FUT8: variants seen among roughly 807,000 people sequenced by gnomAD.
The protein encoded by FUT8 is fucosyltransferase 8.
Under a neutral mutation model 71.3 loss-of-function variants are expected in FUT8, and 29 were observed. The ratio of observed to expected loss-of-function variants is 0.41; its 90% CI spans 0.30 to 0.55. FUT8 has a LOEUF of 0.55. Among genes scored for constraint, FUT8 ranks in the 20% least tolerant of loss-of-function variants. The pLI is 0.34. For synonymous variants in FUT8, 254 were observed against 239.3 expected, an observed-to-expected ratio of 1.06 and a Z score of -0.57; for missense variants, 544 against 702.1, an observed-to-expected ratio of 0.77 and a Z score of 2.55.
At chr14:65,723,152 T>TA (rs56003211) in intron 8 of FUT8, among the ~76,000 whole-genome samples, 6,892 of 123,698 alleles carry the variant, frequency 0.056, 408 homozygotes, top group African/African-American at 0.16. Context: ...CCCCATCAAT[T>TA]AAAAAAAAAA....
At chr14:65,490,616 T>G (rs1384310297) in intron 2 of FUT8, among the ~76,000 whole-genome samples, 1 of 152,156 alleles carries the variant, frequency 6.6e-6, no homozygotes, top group Non-Finnish European at 1.5e-5. Flanking sequence ...GAAAACAAAT[T>G]TGGCAAATGT....
chr14:65,439,862 T>C (rs1424501601), intron 1 of FUT8, among the ~76,000 whole-genome samples: 2 of 150,534 alleles, frequency 1.3e-5, no homozygotes, highest in East Asian at 1.9e-4. Context: ...CTCTTATGTT[T>C]GTTAAAGCAT....
At chr14:65,617,264 G>A in intron 5 of FUT8, 2 of 1,402,224 alleles carry the variant, frequency 1.4e-6, no homozygotes, top group Non-Finnish European at 9.4e-7. Flanking sequence ...GGTTGTTTTA[G>A]GTGAAATTAT....
chr14:65,430,960 T>C (rs2065463338), intron 1 of FUT8, among the ~76,000 whole-genome samples: 1 of 151,874 alleles, frequency 6.6e-6, no homozygotes, highest in East Asian at 1.9e-4. Flanking sequence ...TTCCACTTCC[T>C]ATAGGGGCTA....
In FUT8 at chr14:65,467,084, T is replaced by C. The variant is rs1285634342; in HGVS notation, c.-228+11366T>C. Among the ~76,000 whole-genome samples, 2 of 152,216 alleles carry C rather than the reference T, an allele frequency of 1.3e-5. No individual in the cohort carries two copies. Among genetic ancestry groups the C allele is most frequent in the African/African-American group, 4.8e-5 (2 of 41,460 alleles). On this transcript the variant is annotated intron_variant, in intron 2 of 10. Transcript: ENST00000673929. The surrounding 1 kb of genome is among the most constrained non-coding windows in gnomAD (Gnocchi z 4.1). Reference sequence around the variant, plus strand: ...TTTCCTCTACACTCTTCCTTTCTTTTTGTAATCCATATTTCTGATCTATAT... The same window carrying C: ...TTTCCTCTACACTCTTCCTTTCTTTCTGTAATCCATATTTCTGATCTATAT...
intron 8 of FUT8, among the ~76,000 whole-genome samples, chr14:65,722,322 G>A (rs1895461228): frequency 6.6e-6 from 1 of 151,826 alleles, no homozygotes; most frequent in Non-Finnish European, 1.5e-5. Flanking sequence ...TTTGAGATAG[G>A]GTCTCACTCT....
Position 65,489,623 on chromosome 14 carries a change from T to C in FUT8, c.-228+33905T>C, listed in dbSNP as rs1317797318. On this transcript the variant is annotated intron_variant, in intron 2 of 10. Coordinates refer to ENST00000673929, the MANE Select transcript of FUT8 (RefSeq NM_001371533.1). The surrounding 1 kb of genome is among the most constrained non-coding windows in gnomAD (Gnocchi z 4.0). The stretch of plus-strand genomic sequence containing the variant: ...TTAGCTGTTGATCATATTTAAAATA[T>C]AACATAAAAATGAGTCTTAAAATAT... 6.6e-6 allele frequency among the ~76,000 whole-genome samples: 1 copy of C among 152,162 alleles called. No individual in the cohort carries two copies. Among genetic ancestry groups the C allele is most frequent in the Non-Finnish European group, 1.5e-5 (1 of 67,980 alleles).
Position 65,669,449 on chromosome 14 carries a change from CAG to C in FUT8, c.806_807del (p.Arg269IlefsTer11). 1 of 1,613,346 alleles carries C rather than the reference CAG, an allele frequency of 6.2e-7. No homozygotes were observed. Among genetic ancestry groups the C allele is most frequent in the Non-Finnish European group, 8.5e-7 (1 of 1,179,476 alleles). On this transcript the variant is annotated frameshift_variant, in exon 7 of 11. Transcript: ENST00000673929. LOFTEE classifies it high-confidence loss of function. The surrounding 1 kb of genome is among the most constrained non-coding windows in gnomAD (Gnocchi z 4.5). ...FRPVSETCTD[R>X]SGISTGHWSG... ...GGCCTGTAAGTGAGACATGCACAGA[CAG>C]ATCTGGCATCTCCACTGGACACTGG...
chr14:65,453,595 C>A (rs982352096), intron 1 of FUT8, among the ~76,000 whole-genome samples: 1 of 152,088 alleles, frequency 6.6e-6, no homozygotes, highest in Non-Finnish European at 1.5e-5. Context: ...GCAAATTTAG[C>A]CCTCCTGAGG....
chr14:65,592,484 G>A (rs1313608226), intron 3 of FUT8, among the ~76,000 whole-genome samples: 1 of 152,066 alleles, frequency 6.6e-6, no homozygotes, highest in Non-Finnish European at 1.5e-5. Context: ...TAGATAGATA[G>A]ATATATTAAA....
At chr14:65,689,934 C>A (rs970785970) in intron 7 of FUT8, among the ~76,000 whole-genome samples, 1 of 152,038 alleles carries the variant, frequency 6.6e-6, no homozygotes, top group African/African-American at 2.4e-5. Context: ...ATTGCCAAAT[C>A]CACAGTCACC....
intron 10 of FUT8, among the ~76,000 whole-genome samples, chr14:65,733,963 G>A (rs1419598613): frequency 7.2e-5 from 11 of 152,182 alleles, no homozygotes; most frequent in Admixed American, 7.2e-4. Context: ...TTTGGTGTAT[G>A]TGTTTTTATG....
At chr14:65,703,400 TA>T (rs556016599) in intron 7 of FUT8, among the ~76,000 whole-genome samples, 101 of 152,338 alleles carry the variant, frequency 6.6e-4, no homozygotes, top group African/African-American at 2.3e-3. Flanking sequence ...TCTTCCCAAT[TA>T]AACCCAAAAG....
At chr14:65,630,182 G>A (rs1362351625) in intron 6 of FUT8, among the ~76,000 whole-genome samples, 2 of 152,120 alleles carry the variant, frequency 1.3e-5, no homozygotes, top group African/African-American at 4.8e-5. Context: ...GGTAGGCTTG[G>A]AAACAGATTA....
intron 7 of FUT8, among the ~76,000 whole-genome samples, chr14:65,706,743 A>ACT (rs1313385566): frequency 2.0e-5 from 3 of 152,126 alleles, no homozygotes; most frequent in Non-Finnish European, 2.9e-5. Context: ...TGCTCTTATG[A>ACT]CTTAATTACC....
At chr14:65,671,715 C>A (rs1044983645) in intron 7 of FUT8, among the ~76,000 whole-genome samples, 1 of 152,108 alleles carries the variant, frequency 6.6e-6, no homozygotes, top group Non-Finnish European at 1.5e-5. Flanking sequence ...AAAGAGATTT[C>A]TTTTAAGCTT....
chr14:65,678,241 C>T (rs1892863174), intron 7 of FUT8, among the ~76,000 whole-genome samples: 2 of 152,190 alleles, frequency 1.3e-5, no homozygotes, highest in Admixed American at 6.5e-5. Flanking sequence ...ATTAATGAAA[C>T]TCAGAGCTAC....
intron 2 of FUT8, among the ~76,000 whole-genome samples, chr14:65,474,521 C>T (rs1200065747): frequency 6.7e-6 from 1 of 148,212 alleles, no homozygotes; most frequent in Non-Finnish European, 1.5e-5. Context: ...ATCGCTTGAA[C>T]CTGGGAGGCA....
rs1375541114 is a variant in FUT8, at chr14:65,562,438, T to C, written c.203+672T>C. On this transcript the variant is annotated intron_variant, in intron 3 of 10. Transcript: ENST00000673929. ...GATTATCATTGCTATTTCTAGTCTG[T>C]AAAAAATGTGACATATATCTATTAG... Among the ~76,000 whole-genome samples, 3 of 152,108 alleles carry C rather than the reference T, an allele frequency of 2.0e-5. No homozygotes were observed. The East Asian group carries it at 5.8e-4, about 29-fold the overall frequency.
Sources: gnomAD v4.1 joint callset for allele counts (sites outside exome capture counted in the v4.1 genomes callset) on GRCh38, gnomAD v4.1.1 for gene constraint, Gnocchi (gnomAD v3.1) non-coding constraint, MANE v1.5 for transcripts, NCBI Gene and HGNC (gene_info 2026-07-23, HGNC 2026-07-21) for gene names.